Variants in FAM174A observed in about 807,000 individuals in gnomAD.
The protein encoded by FAM174A is membrane protein FAM174A.
A neutral mutation model predicts 14.3 loss-of-function variants in FAM174A; 14 were observed. The ratio of observed to expected loss-of-function variants is 0.98; its 90% CI spans 0.65 to 1.53. FAM174A has a LOEUF of 1.53. Ranked by LOEUF, FAM174A falls within the 40% of genes most tolerant of loss-of-function variation. The probability of loss-of-function intolerance (pLI) is 0.00; values close to 1 mark genes in which losing one functional copy is unlikely to be tolerated. For synonymous variants in FAM174A, 108 were observed against 111.4 expected, an observed-to-expected ratio of 0.97 and a Z score of 0.19; for missense variants, 241 against 249.6, an observed-to-expected ratio of 0.97 and a Z score of 0.23.
chr5:100,557,772 T>C (rs182291220), intron 1 of FAM174A, among the ~76,000 whole-genome samples: 2 of 152,340 alleles, frequency 1.3e-5, no homozygotes, highest in East Asian at 3.9e-4. Flanking sequence ...TGCCATGGGA[T>C]CGGTGGTCAT....
chr5:100,576,944 G>C (rs184372293), intron 2 of FAM174A, among the ~76,000 whole-genome samples: 1 of 152,244 alleles, frequency 6.6e-6, no homozygotes, highest in East Asian at 1.9e-4. Flanking sequence ...GGAGTCAGAG[G>C]CCGCATATGC....
chr5:100,535,560 C>G lies in FAM174A; in HGVS notation c.30C>G (p.Leu10=). The G allele has an allele frequency of 6.2e-7, 1 of 1,613,198 alleles. No individual in the cohort carries two copies. Among genetic ancestry groups the G allele is most frequent in the South Asian group, 1.1e-5 (1 of 91,078 alleles). Residue 10 remains leucine (L), a synonymous_variant, in exon 1 of 3, where the codon CTC becomes CTG. Coordinates refer to ENST00000312637, the MANE Select transcript of FAM174A (RefSeq NM_198507.3). MKASQCCCC[L]SHLLASVLLL... is the part of the protein sequence containing the mutation. The stretch of plus-strand genomic sequence containing the variant: ...AGGCCTCGCAGTGCTGCTGCTGTCT[C>G]AGCCACCTCTTGGCTTCCGTCCTCC...
At position 100,535,447 on chromosome 5, in the gene FAM174A, TTC is replaced by T. The variant is rs1745918183; in HGVS notation, c.-81_-80del. On this transcript the variant is annotated 5_prime_UTR_variant, in exon 1 of 3. Transcript: ENST00000312637. ...CTGGCGTTTGGTCACCTCTGCTTCA[TTC>T]TCCACCGCGCCTATGGTCCCTCTTG... 6.7e-7 allele frequency: 1 copy of T among 1,493,258 alleles called. No individual in the cohort carries two copies. Among genetic ancestry groups the T allele is most frequent in the Non-Finnish European group, 9.2e-7 (1 of 1,087,986 alleles). 92.5% of individuals were successfully genotyped at this position (1,493,258 alleles called of 1,614,324 possible).
At chr5:100,551,329 A>T (rs539643925) in intron 1 of FAM174A, among the ~76,000 whole-genome samples, 79 of 152,094 alleles carry the variant, frequency 5.2e-4, no homozygotes, top group African/African-American at 1.9e-3. Context: ...CAGGACAATA[A>T]CCCCTAAACT....
At chr5:100,564,559 G>C (rs373390065) in intron 2 of FAM174A, among the ~76,000 whole-genome samples, 1 of 151,874 alleles carries the variant, frequency 6.6e-6, no homozygotes, top group South Asian at 2.1e-4. Flanking sequence ...ACATTAAATA[G>C]AGTTGAAAAA....
intron 2 of FAM174A, among the ~76,000 whole-genome samples, chr5:100,579,616 G>A (rs1211084990): frequency 2.0e-5 from 3 of 152,002 alleles, no homozygotes; most frequent in South Asian, 2.1e-4. Context: ...AGTAGAGATG[G>A]GGTTTCACAA....
At chr5:100,552,830 A>G (rs1746291109) in intron 1 of FAM174A, among the ~76,000 whole-genome samples, 1 of 152,132 alleles carries the variant, frequency 6.6e-6, no homozygotes, top group South Asian at 2.1e-4. Flanking sequence ...ATACCTAGAA[A>G]GCATCTGACC....
intron 1 of FAM174A, among the ~76,000 whole-genome samples, chr5:100,557,969 C>T (rs865909866): frequency 6.6e-6 from 1 of 151,936 alleles, no homozygotes; most frequent in African/African-American, 2.4e-5. Context: ...TTATTTCTTG[C>T]CTTCTGCTAG....
chr5:100,546,278 G>A (rs547216950), intron 1 of FAM174A, among the ~76,000 whole-genome samples: 2 of 152,102 alleles, frequency 1.3e-5, no homozygotes, highest in Non-Finnish European at 2.9e-5. Flanking sequence ...ATGCACAGGA[G>A]CTTTCAAATG....
At chr5:100,571,910 T>A (rs1225356766) in intron 2 of FAM174A, among the ~76,000 whole-genome samples, 1 of 151,904 alleles carries the variant, frequency 6.6e-6, no homozygotes, top group Non-Finnish European at 1.5e-5. Flanking sequence ...GTTACTGTAC[T>A]GATTATATTA....
chr5:100,560,373 T>A (rs545990979), intron 1 of FAM174A, among the ~76,000 whole-genome samples: 58 of 152,248 alleles, frequency 3.8e-4, no homozygotes, highest in African/African-American at 1.4e-3. Context: ...GTACTTTGTA[T>A]TTCATACTGC....
chr5:100,557,873 C>G (rs1050894863), intron 1 of FAM174A, among the ~76,000 whole-genome samples: 2 of 151,954 alleles, frequency 1.3e-5, no homozygotes, highest in Non-Finnish European at 2.9e-5. Context: ...TTTTGTTGAT[C>G]TTTTCAAAAA....
chr5:100,575,369 TTAG>T (rs1746880424), intron 2 of FAM174A, among the ~76,000 whole-genome samples: 1 of 152,162 alleles, frequency 6.6e-6, no homozygotes, highest in African/African-American at 2.4e-5. Context: ...ATCATTTACA[TTAG>T]GTATATCTCC....
intron 2 of FAM174A, among the ~76,000 whole-genome samples, chr5:100,582,256 AT>A (rs1227163526): frequency 6.6e-6 from 1 of 152,176 alleles, no homozygotes; most frequent in South Asian, 2.1e-4. Flanking sequence ...CCTTCAGTAT[AT>A]TTTTTAAAGG....
At chr5:100,574,299 A>G (rs1422670356) in intron 2 of FAM174A, among the ~76,000 whole-genome samples, 1 of 151,876 alleles carries the variant, frequency 6.6e-6, no homozygotes, top group South Asian at 2.1e-4. Flanking sequence ...AGTGATTCTC[A>G]TGCCTCAGCC....
chr5:100,557,172 A>G (rs1349948201), intron 1 of FAM174A, among the ~76,000 whole-genome samples: 1 of 152,140 alleles, frequency 6.6e-6, no homozygotes, highest in East Asian at 1.9e-4. Context: ...AATTTTGTCA[A>G]AGGCCTTTTC....
intron 1 of FAM174A, 29 bp downstream of exon 1, chr5:100,535,993 C>T (rs369516601): frequency 1.3e-6 from 2 of 1,530,804 alleles, no homozygotes; most frequent in Non-Finnish European, 1.8e-6. Flanking sequence ...GGGGCACCCC[C>T]GTGGGCCTGA....
At chr5:100,537,753 T>C (rs1259853516) in intron 1 of FAM174A, among the ~76,000 whole-genome samples, 1 of 152,194 alleles carries the variant, frequency 6.6e-6, no homozygotes, top group Non-Finnish European at 1.5e-5. Context: ...CCTCACTATA[T>C]AACTGTTATT....
chr5:100,580,765 CTT>C (rs1228519442), intron 2 of FAM174A, among the ~76,000 whole-genome samples: 1 of 152,204 alleles, frequency 6.6e-6, no homozygotes, highest in Non-Finnish European at 1.5e-5. Context: ...AGTCTTCTAT[CTT>C]TGCTGGCCAC....
Sources: gnomAD v4.1 joint callset for allele counts (sites outside exome capture counted in the v4.1 genomes callset) on GRCh38, gnomAD v4.1.1 for gene constraint, MANE v1.5 for transcripts, NCBI Gene and HGNC (gene_info 2026-07-23, HGNC 2026-07-21) for gene names.